The following PLTP variants were observed in gnomAD, a reference collection of about 807,000 sequenced individuals.
PLTP encodes phospholipid transfer protein.
Under a neutral mutation model 54.1 loss-of-function variants are expected in PLTP, and 43 were observed. That is an observed-to-expected ratio of 0.79 (90% CI 0.62 to 1.02). PLTP has a LOEUF of 1.02. Ranked by LOEUF, PLTP falls within the 50% of genes least tolerant of loss-of-function variation. The probability of loss-of-function intolerance (pLI) is 0.00; values close to 1 mark genes in which losing one functional copy is unlikely to be tolerated. For missense variants in PLTP, 604 were observed against 645.9 expected (o/e 0.94, Z 0.70); for synonymous variants, 263 against 264.6 (o/e 0.99, Z 0.06).
chr20:45,911,868 C>T (rs1568779543), intron 1 of PLTP: 1 of 276,316 alleles, frequency 3.6e-6, no homozygotes, highest in East Asian at 9.6e-5. Context: ...TCCTAGGCCT[C>T]GCGCCCGGGG....
At position 45,911,380 on chromosome 20, in the gene PLTP, G is replaced by T. The variant is rs1034399950; in HGVS notation, c.73C>A (p.Arg25Ser). The T allele has an allele frequency of 5.6e-6, 9 of 1,611,776 alleles. No homozygotes were observed. Among genetic ancestry groups the T allele is most frequent in the Non-Finnish European group, 7.6e-6 (9 of 1,180,006 alleles). Residue 25 changes from arginine (R) to serine (S), a missense_variant, in exon 2 of 16, where the codon CGC becomes AGC. Arg to Ser is a moderately radical substitution (Grantham distance 110). Transcript: ENST00000372431. ...AGCTCCAGCGCCTTGGAGGTGACGC[G>T]GATCTTGCAGCCTGGGAACTCTGCA... ...AHAEFPGCKI[R>S]VTSKALELVK... is the part of the protein sequence containing the mutation.
chr20:45,905,345 C>T (rs2083229947), intron 8 of PLTP, among the ~76,000 whole-genome samples: 1 of 152,234 alleles, frequency 6.6e-6, no homozygotes, highest in Non-Finnish European at 1.5e-5. Flanking sequence ...GGAAAGGTTT[C>T]AGGGAAGAGG....
At chr20:45,901,048 T>C (rs1221387769) in intron 12 of PLTP, among the ~76,000 whole-genome samples, 1 of 152,158 alleles carries the variant, frequency 6.6e-6, no homozygotes, top group African/African-American at 2.4e-5. Context: ...CTACATTATC[T>C]CCTTTAACCT....
At chr20:45,910,825 T>A in intron 3 of PLTP, 1 of 1,245,238 alleles carries the variant, frequency 8.0e-7, no homozygotes, top group Non-Finnish European at 1.0e-6. Flanking sequence ...CTCCACCCCG[T>A]GCCCGAGACT....
rs978287941 is a variant in PLTP at position 45,898,690 on chromosome 20, A to G, written c.*251T>C. On this transcript the variant is annotated 3_prime_UTR_variant, in exon 16 of 16. Coordinates refer to ENST00000372431, the MANE Select transcript of PLTP (RefSeq NM_006227.4). The surrounding 1 kb of genome is among the most constrained non-coding windows in gnomAD (Gnocchi z 4.6). ...GGGTGGCCTGGCCCCTTCTCTGCTT[A>G]AAGAATGCCCTTTATGATGCACTGA... 2 of 662,696 alleles carry G rather than the reference A, an allele frequency of 3.0e-6. No individual in the cohort carries two copies. Among genetic ancestry groups the G allele is most frequent in the Middle Eastern group, 4.0e-4 (1 of 2,476 alleles). 41.1% of individuals were successfully genotyped at this position (662,696 alleles called of 1,614,324 possible). A position where few individuals can be genotyped will look rare whatever the true frequency, so the allele number is the denominator to read the frequency against.
rs1241041432 is a variant in PLTP at position 45,902,498 on chromosome 20, A to G, written c.1049T>C (p.Val350Ala). ...SGTTISVTAS[V>A]TIALVPPDQP... is the part of the protein sequence containing the mutation. Reference sequence around the variant, plus strand: ...GTCTGGTGGGACCAGGGCAATGGTGACGCTAGCAGTGACAGAGATGGTGGT... The same window carrying G: ...GTCTGGTGGGACCAGGGCAATGGTGGCGCTAGCAGTGACAGAGATGGTGGT... Residue 350 changes from valine (V) to alanine (A), a missense_variant, in exon 11 of 16, where the codon GTC (valine) becomes GCC (alanine). Val to Ala is a moderately conservative substitution (Grantham distance 64). Transcript: ENST00000372431. The G allele has an allele frequency of 5.0e-6, 8 of 1,614,084 alleles. No homozygotes were observed. Among genetic ancestry groups the G allele is most frequent in the East Asian group, 2.2e-5 (1 of 44,900 alleles).
At chr20:45,906,133 CAG>C in intron 8 of PLTP, 133 bp downstream of exon 8, 1 of 724,878 alleles carries the variant, frequency 1.4e-6, no homozygotes, top group Non-Finnish European at 2.5e-6. Context: ...TCTGTAGTAA[CAG>C]GGAGCCATAG....
rs1568777290 is a variant in PLTP at position 45,909,521 on chromosome 20, G to A, written c.480C>T (p.Thr160=). 7.4e-6 allele frequency: 12 copies of A among 1,614,152 alleles called. No individual in the cohort carries two copies. Among genetic ancestry groups the A allele is most frequent in the Non-Finnish European group, 9.3e-6 (11 of 1,180,028 alleles). Residue 160 remains threonine (T), a synonymous_variant, in exon 5 of 16, where the codon ACC becomes ACT. Coordinates refer to ENST00000372431, the MANE Select transcript of PLTP (RefSeq NM_006227.4). ...VSRMHAAFGG[T]FKKVYDFLST... ...GGGTTGGGGCTGGGGCTTACTTGAA[G>A]GTTCCCCCGAAGGCCGCGTGCATTC...
chr20:45,907,984 G>C (rs117347345), intron 5 of PLTP, 80 bp from the exon 6 acceptor site: 4 of 1,266,488 alleles, frequency 3.2e-6, no homozygotes, highest in Non-Finnish European at 4.5e-6. Context: ...AGTGACTAGG[G>C]AAATAGTGGC....
intron 7 of PLTP, 46 bp from the exon 8 acceptor site, chr20:45,906,405 A>G (rs747513504): frequency 1.4e-6 from 2 of 1,478,820 alleles, no homozygotes; most frequent in South Asian, 2.3e-5. Context: ...GATGTGGGAT[A>G]AGGTGCTTAA....
intron 7 of PLTP, among the ~76,000 whole-genome samples, chr20:45,906,665 G>A (rs1047358915): frequency 4.6e-5 from 7 of 151,794 alleles, no homozygotes; most frequent in African/African-American, 1.5e-4. Context: ...CAAGGCGGGC[G>A]GATCACCTGA....
At chr20:45,909,283 A>G (rs1234013114) in intron 5 of PLTP, among the ~76,000 whole-genome samples, 2 of 150,850 alleles carry the variant, frequency 1.3e-5, no homozygotes, top group Non-Finnish European at 2.9e-5. Flanking sequence ...TATTTTTTAC[A>G]TATACCAACA....
intron 5 of PLTP, 79 bp from the exon 6 acceptor site, chr20:45,907,983 G>A (rs2083257317): frequency 2.4e-6 from 3 of 1,263,198 alleles, no homozygotes; most frequent in East Asian, 2.5e-5. Flanking sequence ...CAGTGACTAG[G>A]GAAATAGTGG....
chr20:45,907,332 CAAAA>C (rs201245712), intron 7 of PLTP, among the ~76,000 whole-genome samples: 8 of 99,574 alleles, frequency 8.0e-5, no homozygotes, highest in East Asian at 2.4e-4. Context: ...AGACTCCGTG[CAAAA>C]AAAAAAAAAA....
At chr20:45,908,327 T>G (rs2083259922) in intron 5 of PLTP, among the ~76,000 whole-genome samples, 1 of 152,080 alleles carries the variant, frequency 6.6e-6, no homozygotes, top group Admixed American at 6.6e-5. Flanking sequence ...GGCCCTGATA[T>G]CAAATGTTTT....
At chr20:45,902,357 ATGTT>A in intron 11 of PLTP, 23 bp from the exon 12 acceptor site, 1 of 1,614,146 alleles carries the variant, frequency 6.2e-7, no homozygotes, top group Non-Finnish European at 8.5e-7. Flanking sequence ...GGGGAGGAGG[ATGTT>A]ACTGACCCAG....
chr20:45,908,475 A>G (rs2083260828), intron 5 of PLTP, among the ~76,000 whole-genome samples: 1 of 152,150 alleles, frequency 6.6e-6, no homozygotes, highest in Non-Finnish European at 1.5e-5. Flanking sequence ...CTCTTCCAGA[A>G]CAAGAACAAT....
chr20:45,905,568 A>G (rs902239283), intron 8 of PLTP, among the ~76,000 whole-genome samples: 2 of 152,238 alleles, frequency 1.3e-5, no homozygotes, highest in Non-Finnish European at 2.9e-5. Context: ...AGGGCCGTGC[A>G]GCTAGTCAGT....
chr20:45,911,400 T>A lies in PLTP; in HGVS notation c.53A>T (p.Glu18Val), dbSNP rs11544245. ...FLALLAGAHA[E>V]FPGCKIRVTS... ...GACGCGGATCTTGCAGCCTGGGAAC[T>A]CTGCATGTGCGCCTGCCAGCAGCGC... The change falls in exon 2 of 16, where the codon GAG becomes GTG. Residue 18 changes from glutamate to valine, a missense_variant. Transcript: ENST00000372431. 6.2e-6 allele frequency: 10 copies of A among 1,609,874 alleles called. No homozygotes were observed. Among genetic ancestry groups the A allele is most frequent in the Non-Finnish European group, 8.5e-6 (10 of 1,179,998 alleles).
Sources: gnomAD v4.1 joint callset for allele counts (sites outside exome capture counted in the v4.1 genomes callset) on GRCh38, gnomAD v4.1.1 for gene constraint, Gnocchi (gnomAD v3.1) non-coding constraint, MANE v1.5 for transcripts, NCBI Gene and HGNC (gene_info 2026-07-23, HGNC 2026-07-21) for gene names.